RBFOX1: variants seen among roughly 807,000 people sequenced by gnomAD.
RBFOX1 encodes the protein RNA binding fox-1 homolog 1.
In RBFOX1, 8 loss-of-function variants were observed where a neutral mutation model predicts 57.7. That is an observed-to-expected ratio of 0.14 (90% CI 0.08 to 0.25). RBFOX1 has a LOEUF of 0.25. RBFOX1 is among the 10% of genes least tolerant of loss of function. The probability of loss-of-function intolerance (pLI) is 1.00; values close to 1 mark genes in which losing one functional copy is unlikely to be tolerated. For missense variants in RBFOX1, 611 were observed against 548.5 expected (o/e 1.11, Z -1.14); for synonymous variants, 326 against 222.4 (o/e 1.47, Z -4.15).
At chr16:5,552,591 G>T (rs2045507666) in intron 2 of RBFOX1, among the ~76,000 whole-genome samples, 1 of 152,134 alleles carries the variant, frequency 6.6e-6, no homozygotes, top group Admixed American at 6.6e-5. Context: ...ACTGTCAGAG[G>T]ATGGAGGTCA....
intron 1 of RBFOX1, among the ~76,000 whole-genome samples, chr16:6,043,876 G>T (rs909531271): frequency 2.0e-5 from 3 of 152,060 alleles, no homozygotes; most frequent in African/African-American, 7.2e-5. Context: ...AGAGAGGACC[G>T]GCCTCTGCTT....
intron 1 of RBFOX1, among the ~76,000 whole-genome samples, chr16:5,382,199 C>T (rs1042416884): frequency 6.6e-6 from 1 of 152,202 alleles, no homozygotes; most frequent in African/African-American, 2.4e-5. Flanking sequence ...ACTGAGGCTT[C>T]ATCAGTAATT....
chr16:6,352,689 C>T (rs750828147), intron 2 of RBFOX1, among the ~76,000 whole-genome samples: 2 of 152,156 alleles, frequency 1.3e-5, no homozygotes, highest in South Asian at 2.1e-4. Flanking sequence ...GGATATCCTG[C>T]GTGTTTGATA....
At chr16:6,643,909 T>A (rs1284317585) in intron 2 of RBFOX1, among the ~76,000 whole-genome samples, 1 of 152,094 alleles carries the variant, frequency 6.6e-6, no homozygotes, top group Non-Finnish European at 1.5e-5. Flanking sequence ...GTGGATCACC[T>A]GAGGTCAGGA....
intron 4 of RBFOX1, among the ~76,000 whole-genome samples, chr16:7,495,934 A>C (rs2068495769): frequency 6.6e-6 from 1 of 152,174 alleles, no homozygotes; most frequent in Non-Finnish European, 1.5e-5. Flanking sequence ...AATTTCATTG[A>C]AGTTCCTCAT....
chr16:7,231,426 A>T (rs775840957), intron 4 of RBFOX1, among the ~76,000 whole-genome samples: 6 of 152,150 alleles, frequency 3.9e-5, no homozygotes, highest in African/African-American at 1.4e-4. Flanking sequence ...AGCTCCTAAG[A>T]GCAAACAGTT....
chr16:5,306,936 G>T (rs1193370208), intron 1 of RBFOX1, among the ~76,000 whole-genome samples: 2 of 152,198 alleles, frequency 1.3e-5, no homozygotes, highest in African/African-American at 4.8e-5. Flanking sequence ...AGCAGCCAGT[G>T]GGGGTGAGGC....
At chr16:7,297,106 G>A (rs2095910199) in intron 4 of RBFOX1, among the ~76,000 whole-genome samples, 1 of 152,160 alleles carries the variant, frequency 6.6e-6, no homozygotes, top group Non-Finnish European at 1.5e-5. Context: ...AAGGGTCAAG[G>A]GAGAAGACAC....
intron 2 of RBFOX1, among the ~76,000 whole-genome samples, chr16:6,504,521 G>T (rs746647945): frequency 6.6e-6 from 1 of 152,124 alleles, no homozygotes; most frequent in Non-Finnish European, 1.5e-5. Context: ...AAGTGCAGAG[G>T]ACTCAAAGTA....
At chr16:6,857,620 T>A (rs2058146427) in intron 3 of RBFOX1, among the ~76,000 whole-genome samples, 1 of 152,218 alleles carries the variant, frequency 6.6e-6, no homozygotes, top group Non-Finnish European at 1.5e-5. Flanking sequence ...ATGTTTTATT[T>A]TCAGTGTTAA....
rs183477258 is a variant in RBFOX1, at chr16:7,406,546, C to T, written c.28-111601C>T. On this transcript the variant is annotated intron_variant, in intron 4 of 15. Transcript: ENST00000550418. ...GTGGACAGTAAATTAGAGAGTGATG[C>T]AAAAACATTTAGAAGGAAAAACAAT... Among the ~76,000 whole-genome samples, 2 of 152,246 alleles carry T rather than the reference C, an allele frequency of 1.3e-5. 1 individual carries two copies. Among genetic ancestry groups the T allele is most frequent in the East Asian group, 3.9e-4 (2 of 5,180 alleles).
rs988668485 is a variant in RBFOX1, at chr16:6,654,654, A to C, written c.-16+4A>C. 2.0e-6 allele frequency: 3 copies of C among 1,507,514 alleles called. No individual in the cohort carries two copies. Among genetic ancestry groups the C allele is most frequent in the African/African-American group, 1.4e-5 (1 of 71,088 alleles). 93.4% of individuals were successfully genotyped at this position (1,507,514 alleles called of 1,614,324 possible). On this transcript the variant is annotated splice_donor_region_variant and intron_variant, in intron 3 of 15. Coordinates refer to ENST00000550418, the MANE Select transcript of RBFOX1 (RefSeq NM_018723.4). ...CGTGGAAATAGAAGACAGAAAGGTG[A>C]GTCAATATTTTTCATTTTTAGGGTT... is the stretch of plus-strand genomic sequence containing the variant.
At chr16:5,501,609 G>C (rs986467274) in intron 2 of RBFOX1, among the ~76,000 whole-genome samples, 3 of 152,176 alleles carry the variant, frequency 2.0e-5, no homozygotes, top group Non-Finnish European at 4.4e-5. Flanking sequence ...GGCAATTATA[G>C]CATCTTCCTC....
intron 4 of RBFOX1, among the ~76,000 whole-genome samples, chr16:7,215,691 C>G (rs1603279190): frequency 6.6e-6 from 1 of 150,632 alleles, no homozygotes; most frequent in Admixed American, 6.6e-5. Context: ...CACCACTAAT[C>G]TATTTTCTAT....
At chr16:6,584,338 T>TTCA (rs1212317248) in intron 2 of RBFOX1, among the ~76,000 whole-genome samples, 4 of 118,122 alleles carry the variant, frequency 3.4e-5, no homozygotes, top group South Asian at 2.9e-4. Flanking sequence ...GTGTTTTATT[T>TTCA]TCATTATTAT....
rs1567592071 is a variant in RBFOX1, at chr16:6,859,129, A to ATGTATATATATATG, written c.-15-192928_-15-192927insTGTATATATATATG. ...AAAAAGTGTATATATATATATATATACATATATATACGTATATATATATGT... is the reference window on the plus strand; with the variant it reads ...AAAAAGTGTATATATATATATATATATGTATATATATATGCATATATATACGTATATATATATGT... On this transcript the variant is annotated intron_variant, in intron 3 of 15. Coordinates refer to ENST00000550418, the MANE Select transcript of RBFOX1 (RefSeq NM_018723.4). Among the ~76,000 whole-genome samples the ATGTATATATATATG allele has an allele frequency of 8.2e-3, 617 of 75,616 alleles. 51 individuals carry two copies. Among genetic ancestry groups the ATGTATATATATATG allele is most frequent in the African/African-American group, 0.047 (573 of 12,228 alleles). The allele number at this position is 75,616 out of a possible 152,430, so 49.6% of individuals were successfully genotyped here. A position where few individuals can be genotyped will look rare whatever the true frequency, so the allele number is the denominator to read the frequency against.
At chr16:6,647,956 G>A (rs34804998) in intron 2 of RBFOX1, among the ~76,000 whole-genome samples, 13 of 152,014 alleles carry the variant, frequency 8.6e-5, no homozygotes, top group Middle Eastern at 6.8e-3. Context: ...ATTCTCGTGC[G>A]TCAGCCTCTC....
At chr16:7,406,307 A>G (rs1225207863) in intron 4 of RBFOX1, among the ~76,000 whole-genome samples, 6 of 152,170 alleles carry the variant, frequency 3.9e-5, no homozygotes, top group African/African-American at 1.4e-4. Context: ...TCTAATCCTT[A>G]CAGAAATAAT....
chr16:5,335,766 G>C (rs757835172), intron 1 of RBFOX1, among the ~76,000 whole-genome samples: 1 of 152,178 alleles, frequency 6.6e-6, no homozygotes, highest in Non-Finnish European at 1.5e-5. Context: ...TCAGAAGCCA[G>C]CATAACCACC....
Sources: allele counts gnomAD v4.1 joint callset (sites outside exome capture counted in the v4.1 genomes callset), GRCh38; gene constraint gnomAD v4.1.1; transcripts MANE v1.5; gene names NCBI Gene and HGNC (gene_info 2026-07-23, HGNC 2026-07-21).